MYOM3: variants seen among roughly 807,000 people sequenced by gnomAD.
MYOM3 encodes myomesin-3.
A neutral mutation model predicts 191.7 loss-of-function variants in MYOM3; 155 were observed. The observed-to-expected ratio is 0.81, with a 90% confidence interval of 0.71 to 0.92. The LOEUF is 0.92. MYOM3 is among the 40% of genes least tolerant of loss of function. The pLI, the probability that MYOM3 is intolerant of heterozygous loss-of-function variation, is 0.00. For missense variants in MYOM3, 1,889 were observed against 1,890.6 expected, an observed-to-expected ratio of 1.00 and a Z score of 0.02; for synonymous variants, 757 against 762.9, an observed-to-expected ratio of 0.99 and a Z score of 0.13.
intron 29 of MYOM3, among the ~76,000 whole-genome samples, chr1:24,064,938 C>T (rs1255802419): frequency 6.6e-6 from 1 of 152,166 alleles, no homozygotes; most frequent in Non-Finnish European, 1.5e-5. Context: ...GGCTTCTGAC[C>T]CCACCTTCTA....
Position 24,058,493 on chromosome 1 carries a change from T to G in MYOM3, c.4050+431A>C, listed in dbSNP as rs569505891. On this transcript the variant is annotated intron_variant, in intron 36 of 36. Transcript: ENST00000374434. ...GTAATAAATAAAACCCTATTTCATGTGATTACCTTGATGGCTAAAGAAGCT... is the reference window on the plus strand; with the variant it reads ...GTAATAAATAAAACCCTATTTCATGGGATTACCTTGATGGCTAAAGAAGCT... Among the ~76,000 whole-genome samples the G allele has an allele frequency of 8.5e-4, 130 of 152,320 alleles. 1 individual carries two copies. In the South Asian group the frequency reaches 0.025, roughly 30 times the overall value.
At chr1:24,090,431 C>T (rs1346954129) in intron 12 of MYOM3, among the ~76,000 whole-genome samples, 1 of 152,174 alleles carries the variant, frequency 6.6e-6, no homozygotes, top group East Asian at 1.9e-4. Flanking sequence ...CAGCGTGGCT[C>T]CCGAGGGCTG....
intron 35 of MYOM3, 70 bp from the exon 36 acceptor site, chr1:24,059,049 G>A: frequency 9.3e-7 from 1 of 1,073,682 alleles, no homozygotes. Context: ...GTTTCATAGA[G>A]TTGAGGTTTA....
intron 27 of MYOM3, among the ~76,000 whole-genome samples, chr1:24,067,494 G>A (rs1318197404): frequency 7.0e-6 from 1 of 142,502 alleles, no homozygotes; most frequent in Non-Finnish European, 1.5e-5. Flanking sequence ...ACAGAGTCTC[G>A]CTCTGTTGCC....
At position 24,063,576 on chromosome 1, in the gene MYOM3, AGGGATGTGCTAGGAGTG is replaced by A. The variant is rs772422943; in HGVS notation, c.3623-63_3623-47del. The A allele has an allele frequency of 3.1e-6, 5 of 1,611,518 alleles. No homozygotes were observed. In the Admixed American group the frequency reaches 8.3e-5, roughly 27 times the overall value. On this transcript the variant is annotated intron_variant, in intron 30 of 36. Coordinates refer to ENST00000374434, the MANE Select transcript of MYOM3 (RefSeq NM_152372.4). The surrounding 1 kb of genome is among the most constrained non-coding windows in gnomAD (Gnocchi z 4.5). ...GGGTTAGCTGGCATAGGGCTCCCCT[AGGGATGTGCTAGGAGTG>A]GGGACATCCTAGAAAAAGGCTGGTG...
intron 28 of MYOM3, 48 bp from the exon 29 acceptor site, chr1:24,066,049 T>C: frequency 7.8e-7 from 1 of 1,279,248 alleles, no homozygotes; most frequent in Non-Finnish European, 1.1e-6. Flanking sequence ...TGTTTCTTTT[T>C]GAGTAAAAAC....
chr1:24,071,917 A>G, intron 24 of MYOM3, 52 bp downstream of exon 24: 1 of 1,580,750 alleles, frequency 6.3e-7, no homozygotes, highest in Non-Finnish European at 8.7e-7. Context: ...AGAACATGCC[A>G]ATGGGCCCAG....
At position 24,058,968 on chromosome 1, in the gene MYOM3, C is replaced by G. The variant is rs750639400; in HGVS notation, c.4006G>C (p.Val1336Leu). The change falls in exon 36 of 37, where the codon GTG (valine) becomes CTG (leucine). Residue 1336 changes from valine to leucine, a missense_variant. Val to Leu is a conservative substitution (Grantham distance 32). Coordinates refer to ENST00000374434, the MANE Select transcript of MYOM3 (RefSeq NM_152372.4). ...GCCACATCCGGCAGACCTCTCACCA[C>G]TTTGGCACGATCTGGAAGGGAAATA... ...LAIIEKNRAK[V>L]VRGLPDVATI... 1.2e-6 allele frequency: 2 copies of G among 1,612,056 alleles called. No individual in the cohort carries two copies. The highest frequency in any genetic ancestry group is 2.2e-5 in the East Asian group (1 of 44,856).
At position 24,061,257 on chromosome 1, in the gene MYOM3, T is replaced by G; in HGVS notation, c.3971+16A>C. ...GGGGCCTATAATTCACACTGAGAAA[T>G]GTAGAGGAAACTTACTTCAGTCTCT... On this transcript the variant is annotated intron_variant, in intron 34 of 36. Transcript: ENST00000374434. The G allele has an allele frequency of 6.2e-7, 1 of 1,613,910 alleles. No homozygotes were observed. The highest frequency in any genetic ancestry group is 1.3e-5 in the African/African-American group (1 of 74,976).
intron 2 of MYOM3, 112 bp downstream of exon 2, chr1:24,108,364 G>T: frequency 1.7e-6 from 2 of 1,184,318 alleles, no homozygotes; most frequent in Non-Finnish European, 2.3e-6. Context: ...AAGCAGGGAT[G>T]TCCCTCCCCC....
At position 24,092,253 on chromosome 1, in the gene MYOM3, T is replaced by A; in HGVS notation, c.1153A>T (p.Asn385Tyr). Residue 385 changes from asparagine (N) to tyrosine (Y), a missense_variant, in exon 11 of 37, where the codon AAC (asparagine) becomes TAC (tyrosine). Asn to Tyr is a moderately radical substitution (Grantham distance 143). Coordinates refer to ENST00000374434, the MANE Select transcript of MYOM3 (RefSeq NM_152372.4). ...SPLNVRCLDV[N>Y]RDCLILTWAP... is the part of the protein sequence containing the mutation. Reference sequence around the variant, plus strand: ...CAAGTCAGGATGAGGCAGTCTCTGTTCACATCCAGGCATCGGACGTTCAGT... The same window carrying A: ...CAAGTCAGGATGAGGCAGTCTCTGTACACATCCAGGCATCGGACGTTCAGT... 1 of 1,412,868 alleles carries A rather than the reference T, an allele frequency of 7.1e-7. No homozygotes were observed. Among genetic ancestry groups the A allele is most frequent in the Non-Finnish European group, 9.3e-7 (1 of 1,074,222 alleles). The allele number at this position is 1,412,868 out of a possible 1,614,324, so 87.5% of individuals were successfully genotyped here.
rs761113485 is a variant in MYOM3, at chr1:24,064,113, T to G, written c.3581A>C (p.Asp1194Ala). ...KGIYRAMVSD[D>A]RGEDDTILDL... ...CAATATGGTGTCGTCCTCCCCTCGA[T>G]CGTCAGAAACCATCGCTCTGTAAAT... The change falls in exon 30 of 37, where the codon GAT becomes GCT. Residue 1194 changes from aspartate (D) to alanine (A), a missense_variant. Asp to Ala is a moderately radical substitution (Grantham distance 126). Coordinates refer to ENST00000374434, the MANE Select transcript of MYOM3 (RefSeq NM_152372.4). 2.5e-6 allele frequency: 4 copies of G among 1,613,960 alleles called. No homozygotes were observed. The highest frequency in any genetic ancestry group is 3.4e-6 in the Non-Finnish European group (4 of 1,179,998).
chr1:24,081,929 A>G (rs186778679), intron 18 of MYOM3, 72 bp downstream of exon 18: 2 of 1,428,836 alleles, frequency 1.4e-6, no homozygotes, highest in South Asian at 2.8e-5. Flanking sequence ...TCAGACTCCA[A>G]GACTCAAGCA....
intron 4 of MYOM3, among the ~76,000 whole-genome samples, chr1:24,106,707 C>T (rs535201835): frequency 6.6e-5 from 10 of 152,108 alleles, no homozygotes; most frequent in African/African-American, 1.4e-4. Context: ...CTCAGCCTCC[C>T]GAGTAGCTGG....
intron 9 of MYOM3, 96 bp from the exon 10 acceptor site, chr1:24,093,204 C>A (rs929381149): frequency 1.2e-5 from 9 of 771,768 alleles, no homozygotes; most frequent in African/African-American, 1.8e-5. Context: ...CCTGGCTGGG[C>A]AGAGAGAGAG....
chr1:24,057,386 G>A lies in MYOM3; in HGVS notation c.4292C>T (p.Pro1431Leu). The change falls in exon 37 of 37, where the codon CCC (proline) becomes CTC (leucine). Residue 1431 changes from proline (P) to leucine (L), a missense_variant. Pro to Leu is a moderately conservative substitution (Grantham distance 98). Transcript: ENST00000374434. The stretch of plus-strand genomic sequence containing the variant: ...CTGTCACATGCTCTTCAGCTCCTTG[G>A]GCTCGTCCCCGTGCTTGAACACACT... ...TISVFKHGDE[P>L]KELKSM The A allele has an allele frequency of 6.2e-7, 1 of 1,613,744 alleles. No individual in the cohort carries two copies. Among genetic ancestry groups the A allele is most frequent in the Non-Finnish European group, 8.5e-7 (1 of 1,180,014 alleles).
chr1:24,068,173 C>T (rs779838013), intron 26 of MYOM3, 50 bp downstream of exon 26: 14 of 862,798 alleles, frequency 1.6e-5, no homozygotes, highest in South Asian at 4.5e-5. Flanking sequence ...GCCAGGTGTG[C>T]GGGGCAGGGC....
chr1:24,080,056 T>G lies in MYOM3; in HGVS notation c.2546A>C (p.Lys849Thr), dbSNP rs1396493864. 6.2e-7 allele frequency: 1 copy of G among 1,613,856 alleles called. No individual in the cohort carries two copies. Among genetic ancestry groups the G allele is most frequent in the Non-Finnish European group, 8.5e-7 (1 of 1,179,948 alleles). The change falls in exon 20 of 37, where the codon AAG becomes ACG. Residue 849 changes from lysine (K) to threonine (T), a missense_variant. Physicochemically the swap from Lys to Thr is moderately conservative, Grantham distance 78. Transcript: ENST00000374434. The part of the protein sequence containing the change: ...SFQEEGSEQW[K>T]PVTPGPISGT... ...AGAGATGGGGCCTGGGGTGACCGGC[T>G]TCCACTGCTCAGAGCCTTCCTCCTG...
intron 35 of MYOM3, among the ~76,000 whole-genome samples, chr1:24,060,469 C>T (rs1353052409): frequency 1.3e-5 from 2 of 152,220 alleles, no homozygotes; most frequent in Non-Finnish European, 2.9e-5. Flanking sequence ...ATGGCCACAC[C>T]TGTGCTCTGC....
Sources: gnomAD v4.1 joint callset for allele counts (sites outside exome capture counted in the v4.1 genomes callset) on GRCh38, gnomAD v4.1.1 for gene constraint, Gnocchi (gnomAD v3.1) non-coding constraint, MANE v1.5 for transcripts, NCBI Gene and HGNC (gene_info 2026-07-23, HGNC 2026-07-21) for gene names.